The following WRN variants were observed in gnomAD, a reference collection of about 807,000 sequenced individuals.
WRN encodes the protein WRN RecQ like helicase, also known as bifunctional 3'-5' exonuclease/ATP-dependent helicase WRN.
WRN carries 149 observed loss-of-function variants against 180.7 expected under a neutral mutation model. That is an observed-to-expected ratio of 0.82 (90% CI 0.72 to 0.94). The LOEUF (loss-of-function observed/expected upper bound fraction) is 0.94. WRN is among the 40% of genes least tolerant of loss of function. The pLI, the probability that WRN is intolerant of heterozygous loss-of-function variation, is 0.00. For synonymous variants in WRN, 548 were observed against 568.9 expected, an observed-to-expected ratio of 0.96 and a Z score of 0.52; for missense variants, 1,661 against 1,700.1, an observed-to-expected ratio of 0.98 and a Z score of 0.40.
intron 1 of WRN, among the ~76,000 whole-genome samples, chr8:31,039,487 C>T (rs940652656): frequency 1.3e-5 from 2 of 152,004 alleles, no homozygotes; most frequent in African/African-American, 2.4e-5. Context: ...GGGATTATGT[C>T]ATCTGTATAT....
intron 23 of WRN, among the ~76,000 whole-genome samples, chr8:31,129,882 G>A (rs1252391066): frequency 1.3e-5 from 2 of 151,956 alleles, no homozygotes; most frequent in Admixed American, 6.6e-5. Flanking sequence ...GCACGCGCCT[G>A]TAGTCCCAGC....
chr8:31,160,892 G>A (rs1737097967), intron 33 of WRN, among the ~76,000 whole-genome samples: 1 of 152,014 alleles, frequency 6.6e-6, no homozygotes, highest in African/African-American at 2.4e-5. Context: ...GCTGAGGCAG[G>A]AGAATTGCTT....
Position 31,143,603 on chromosome 8 carries a change from G to T in WRN, c.3363G>T (p.Gly1121=). 6.3e-7 allele frequency: 1 copy of T among 1,590,154 alleles called. No individual in the cohort carries two copies. The highest frequency in any genetic ancestry group is 8.6e-7 in the Non-Finnish European group (1 of 1,159,476). The change falls in exon 28 of 35, where the codon GGG becomes GGT. Residue 1121 remains glycine (G), a synonymous_variant. Coordinates refer to ENST00000298139, the MANE Select transcript of WRN (RefSeq NM_000553.6). ...AACCATGTGATAAGATTTCTTCTGG[G>T]AGTAACATTTCTAAAAAAAGGTACA... ...SYKPCDKISS[G]SNISKKSIMV...
chr8:31,074,461 A>G (rs1282013988), intron 7 of WRN, among the ~76,000 whole-genome samples: 1 of 152,194 alleles, frequency 6.6e-6, no homozygotes, highest in Non-Finnish European at 1.5e-5. Context: ...TAAGAGGTGA[A>G]GTTCTCTGAG....
chr8:31,096,903 T>C, intron 17 of WRN, 53 bp downstream of exon 17: 1 of 1,498,434 alleles, frequency 6.7e-7, no homozygotes, highest in South Asian at 1.1e-5. Flanking sequence ...ATATTTAAAG[T>C]TAAACCTATG....
At chr8:31,111,561 G>T (rs971269253) in intron 18 of WRN, 54 bp from the exon 19 acceptor site, 2 of 1,585,052 alleles carry the variant, frequency 1.3e-6, no homozygotes, top group East Asian at 4.5e-5. Context: ...CTATAGACAT[G>T]TTGGGAATGA....
chr8:31,120,542 A>G, intron 21 of WRN, 118 bp downstream of exon 21: 1 of 106,386 alleles, frequency 9.4e-6, no homozygotes, highest in Non-Finnish European at 1.3e-5. Flanking sequence ...CATTTAAAGT[A>G]AAAAAAAAAA....
At chr8:31,076,370 A>G (rs987552107) in intron 8 of WRN, 83 bp downstream of exon 8, 19 of 1,180,490 alleles carry the variant, frequency 1.6e-5, no homozygotes, top group Admixed American at 5.9e-5. Flanking sequence ...GAAGAATACT[A>G]TTCATTAAGG....
chr8:31,089,083 C>G, intron 13 of WRN, 118 bp downstream of exon 13: 1 of 795,570 alleles, frequency 1.3e-6, no homozygotes, highest in Non-Finnish European at 2.1e-6. Context: ...GTTATACATG[C>G]CACACTGTAT....
At chr8:31,049,277 T>A (rs1234500650) in intron 1 of WRN, among the ~76,000 whole-genome samples, 2 of 138,022 alleles carry the variant, frequency 1.4e-5, no homozygotes, top group Non-Finnish European at 3.1e-5. Context: ...ACGCCTGTAA[T>A]CTCAGCACAT....
chr8:31,056,460 A>G (rs1812276762), intron 1 of WRN, among the ~76,000 whole-genome samples: 1 of 152,200 alleles, frequency 6.6e-6, no homozygotes. Context: ...TGTATTTTAC[A>G]TATTTTTTCA....
chr8:31,098,140 G>C (rs1332654364), intron 17 of WRN, among the ~76,000 whole-genome samples: 1 of 152,058 alleles, frequency 6.6e-6, no homozygotes, highest in Non-Finnish European at 1.5e-5. Flanking sequence ...GTACATTTAT[G>C]AGCTCTTAAA....
At chr8:31,125,535 G>GATATATATATATAT (rs1585491028) in intron 23 of WRN, among the ~76,000 whole-genome samples, 1 of 21,842 alleles carries the variant, frequency 4.6e-5, no homozygotes. Context: ...TGATATTATG[G>GATATATATATATAT]AGATATATAT....
intron 12 of WRN, 139 bp downstream of exon 12, chr8:31,088,059 C>G (rs188183776): frequency 6.9e-7 from 1 of 1,440,998 alleles, no homozygotes; most frequent in African/African-American, 1.4e-5. Context: ...AAGCTTTTGT[C>G]TCCTTAGTGC....
intron 10 of WRN, 88 bp downstream of exon 10, chr8:31,083,867 T>C (rs1269251813): frequency 5.9e-6 from 8 of 1,352,308 alleles, no homozygotes; most frequent in Non-Finnish European, 8.3e-6. Flanking sequence ...TAAACTAGGT[T>C]CTACCACAAT....
At chr8:31,138,033 T>C (rs1408318086) in intron 24 of WRN, among the ~76,000 whole-genome samples, 2 of 151,940 alleles carry the variant, frequency 1.3e-5, no homozygotes, top group Non-Finnish European at 2.9e-5. Flanking sequence ...GTCCAGGAGA[T>C]TGAGGCTACA....
intron 27 of WRN, among the ~76,000 whole-genome samples, chr8:31,143,258 G>A (rs899746966): frequency 6.6e-6 from 1 of 152,146 alleles, no homozygotes; most frequent in African/African-American, 2.4e-5. Context: ...ATTGAAGTAT[G>A]CAGAATGTAA....
chr8:31,067,785 C>T (rs549466803), intron 6 of WRN, among the ~76,000 whole-genome samples: 2 of 152,182 alleles, frequency 1.3e-5, no homozygotes, highest in African/African-American at 4.8e-5. Flanking sequence ...CTCATGCTTT[C>T]ATTTGTAGAT....
intron 7 of WRN, among the ~76,000 whole-genome samples, chr8:31,075,284 A>C (rs1813055063): frequency 6.6e-6 from 1 of 152,198 alleles, no homozygotes; most frequent in Non-Finnish European, 1.5e-5. Flanking sequence ...GGACAAGAGA[A>C]ATGATGATGA....
Sources: allele counts gnomAD v4.1 joint callset (sites outside exome capture counted in the v4.1 genomes callset), GRCh38; gene constraint gnomAD v4.1.1; transcripts MANE v1.5; gene names NCBI Gene and HGNC (gene_info 2026-07-23, HGNC 2026-07-21).